FAM107A: variants seen among roughly 807,000 people sequenced by gnomAD.
FAM107A encodes the protein family with sequence similarity 107 member A.
A neutral mutation model predicts 13.7 loss-of-function variants in FAM107A; 19 were observed. The ratio of observed to expected loss-of-function variants is 1.38; its 90% CI spans 0.97 to 2.03. The LOEUF (loss-of-function observed/expected upper bound fraction) is 2.03, where lower values mean the gene tolerates loss of function less well. FAM107A is among the 30% of genes most tolerant of loss of function. FAM107A has a pLI of 0.00. For missense variants in FAM107A, 203 were observed against 184.4 expected, an observed-to-expected ratio of 1.10 and a Z score of -0.58; for synonymous variants, 82 against 74.5, an observed-to-expected ratio of 1.10 and a Z score of -0.52.
At chr3:58,589,628 A>G (rs1484423611), upstream of FAM107A, among the ~76,000 whole-genome samples, 1 of 152,222 alleles carries the variant, frequency 6.6e-6, no homozygotes, top group Non-Finnish European at 1.5e-5. Context: ...GCAGCTGTAC[A>G]TGTGAGTTGT....
chr3:58,609,965 T>G (rs149652590), intron 1 of FAM107A, among the ~76,000 whole-genome samples: 2 of 152,246 alleles, frequency 1.3e-5, no homozygotes, highest in African/African-American at 2.4e-5. Context: ...TGGCATACAG[T>G]GTGCAGGAAG....
At chr3:58,583,909 C>T (rs76707905) in intron 1 of FAM107A, among the ~76,000 whole-genome samples, 2,830 of 152,126 alleles carry the variant, frequency 0.019, 41 homozygotes, top group Middle Eastern at 0.041. Context: ...CTTGAACTCC[C>T]GGCCTCAAGG....
At chr3:58,615,915 A>G (rs1338995308) in intron 1 of FAM107A, among the ~76,000 whole-genome samples, 1 of 151,344 alleles carries the variant, frequency 6.6e-6, no homozygotes, top group Non-Finnish European at 1.5e-5. Context: ...AAAAAAAAAA[A>G]AAAAAAAGGA....
At chr3:58,618,061 G>A (rs974059637) in intron 1 of FAM107A, among the ~76,000 whole-genome samples, 2 of 152,182 alleles carry the variant, frequency 1.3e-5, no homozygotes, top group Non-Finnish European at 2.9e-5. Context: ...GGTTTGTGGT[G>A]AGGATTCCAT....
At chr3:58,594,261 G>C (rs2065680313) in intron 1 of FAM107A, among the ~76,000 whole-genome samples, 1 of 152,082 alleles carries the variant, frequency 6.6e-6, no homozygotes, top group Non-Finnish European at 1.5e-5. Context: ...TTCCATCCTT[G>C]GCTACCTTCC....
chr3:58,615,838 A>G (rs1159719509), intron 1 of FAM107A, among the ~76,000 whole-genome samples: 1 of 149,612 alleles, frequency 6.7e-6, no homozygotes, highest in African/African-American at 2.5e-5. Context: ...AGAGGTTGCA[A>G]TGAGCCAAGA....
intron 1 of FAM107A, among the ~76,000 whole-genome samples, chr3:58,582,877 C>A (rs1415839974): frequency 6.6e-6 from 1 of 152,192 alleles, no homozygotes; most frequent in African/African-American, 2.4e-5. Flanking sequence ...CGGCTCACTG[C>A]GACCTCTGCC....
chr3:58,576,142 C>T (rs996773407), intron 1 of FAM107A, among the ~76,000 whole-genome samples: 3 of 152,238 alleles, frequency 2.0e-5, no homozygotes, highest in Non-Finnish European at 4.4e-5. Flanking sequence ...AACAGTGTAT[C>T]TCGGAGCCAC....
At chr3:58,603,245 C>T (rs2065766851) in intron 1 of FAM107A, among the ~76,000 whole-genome samples, 1 of 152,108 alleles carries the variant, frequency 6.6e-6, no homozygotes. Context: ...CCCTATGATC[C>T]CAGGCCTGTC....
rs372494005 is a variant in FAM107A at position 58,593,940 on chromosome 3, C to T, written c.-69-4671G>A. ...TGCCACACTTATCCGCATCTACTTA[C>T]GGCACCTTTCTCCTTATGTCAGTTC... On this transcript the variant is annotated intron_variant, in intron 1 of 3. Transcript: ENST00000465970. 6.4e-4 allele frequency among the ~76,000 whole-genome samples: 97 copies of T among 152,274 alleles called. 1 individual carries two copies. The South Asian group carries it at 0.018, about 29-fold the overall frequency.
intron 1 of FAM107A, chr3:58,607,566 A>ATGTGCATGTATGTGTGTATACG (rs138564281): frequency 4.0e-5 from 6 of 151,674 alleles, no homozygotes; most frequent in African/African-American, 7.3e-5. Flanking sequence ...GGATTTGTAT[A>ATGTGCATGTATGTGTGTATACG]TGTGCATGTA....
intron 1 of FAM107A, among the ~76,000 whole-genome samples, chr3:58,616,831 T>C (rs911710349): frequency 6.6e-6 from 1 of 152,148 alleles, no homozygotes; most frequent in Non-Finnish European, 1.5e-5. Context: ...TGGAGTGCAG[T>C]GGCACGATCT....
intron 1 of FAM107A, among the ~76,000 whole-genome samples, chr3:58,603,301 A>C (rs1559484220): frequency 1.3e-5 from 2 of 152,174 alleles, no homozygotes; most frequent in African/African-American, 2.4e-5. Context: ...TGATGTTCGT[A>C]TACTGAACAC....
upstream of FAM107A, among the ~76,000 whole-genome samples, chr3:58,581,201 C>T (rs1325084357): frequency 1.3e-5 from 2 of 152,214 alleles, no homozygotes; most frequent in Admixed American, 6.5e-5. Flanking sequence ...GGGGGAAGCC[C>T]AGGGGCTGGG....
chr3:58,593,573 C>G (rs1053851990), intron 1 of FAM107A, among the ~76,000 whole-genome samples: 1 of 145,466 alleles, frequency 6.9e-6, no homozygotes, highest in Admixed American at 7.3e-5. Flanking sequence ...TCTATCCTGA[C>G]GAAGTCCTTT....
In FAM107A at chr3:58,624,103, G is replaced by A. The variant is rs999383470; in HGVS notation, c.-70+3313C>T. ...TGCTTTTCTTGAACCCACTGCTGCC[G>A]CAGGACCTGTGGCCTTGCTGTGTAA... On this transcript the variant is annotated intron_variant, in intron 1 of 3. Transcript: ENST00000465970. Among the ~76,000 whole-genome samples, 3 of 152,182 alleles carry A rather than the reference G, an allele frequency of 2.0e-5. No homozygotes were observed. In the East Asian group the frequency reaches 5.8e-4, roughly 29 times the overall value.
chr3:58,587,100 C>A (rs901296452), exon 1 of FAM107A: 38 of 1,365,604 alleles, frequency 2.8e-5, no homozygotes, highest in Non-Finnish European at 3.6e-5. Context: ...GGCGAGGAGA[C>A]GCCGCCGGGG....
intron 1 of FAM107A, among the ~76,000 whole-genome samples, chr3:58,594,386 C>T (rs1456170490): frequency 1.3e-5 from 2 of 152,060 alleles, no homozygotes; most frequent in African/African-American, 4.8e-5. Context: ...GAAAATCAAA[C>T]CTCCCCCTCT....
At chr3:58,614,099 G>A (rs1196744884) in intron 1 of FAM107A, among the ~76,000 whole-genome samples, 1 of 152,238 alleles carries the variant, frequency 6.6e-6, no homozygotes, top group Non-Finnish European at 1.5e-5. Context: ...CCAGAGGAAA[G>A]AGAGCCCGTA....
Sources: gnomAD v4.1 joint callset for allele counts (sites outside exome capture counted in the v4.1 genomes callset) on GRCh38, gnomAD v4.1.1 for gene constraint, MANE v1.5 for transcripts, NCBI Gene and HGNC (gene_info 2026-07-23, HGNC 2026-07-21) for gene names.